ENTPD1: variants seen among roughly 807,000 people sequenced by gnomAD.
ENTPD1 encodes ectonucleoside triphosphate diphosphohydrolase 1, also known as ATP diphosphohydrolase.
A neutral mutation model predicts 57.0 loss-of-function variants in ENTPD1; 33 were observed. That is an observed-to-expected ratio of 0.58 (90% confidence interval 0.44 to 0.77). ENTPD1 has a LOEUF of 0.77. Among genes scored for constraint, ENTPD1 ranks in the 30% least tolerant of loss-of-function variants. ENTPD1 has a pLI of 0.00. For missense variants in ENTPD1, 501 were observed against 603.4 expected (o/e 0.83, Z 1.78); for synonymous variants, 202 against 218.8 (o/e 0.92, Z 0.68).
Position 95,845,381 on chromosome 10 carries a change from C to A in ENTPD1, c.598C>A (p.Pro200Thr). The A allele has an allele frequency of 6.2e-7, 1 of 1,614,114 alleles. No homozygotes were observed. The highest frequency in any genetic ancestry group is 1.3e-5 in the African/African-American group (1 of 75,008). The change falls in exon 6 of 10, where the codon CCA (proline) becomes ACA (threonine). Residue 200 changes from proline to threonine, a missense_variant. By Grantham distance (38) the Pro-to-Thr change is conservative. Coordinates refer to ENST00000371205, the MANE Select transcript of ENTPD1 (RefSeq NM_001776.6). ...GAAAACAAGGTGGTTCAGCATAGTC[C>A]CATATGAAACCAATAATCAGGAAAC... ...SQKTRWFSIVPYETNNQETFG... is the reference protein window; with the variant it reads ...SQKTRWFSIVTYETNNQETFG...
chr10:95,757,109 A>G (rs2098029858), intron 1 of ENTPD1, among the ~76,000 whole-genome samples: 4 of 152,288 alleles, frequency 2.6e-5, no homozygotes, highest in African/African-American at 9.6e-5. Context: ...CTTCTTTATC[A>G]TCTCTAACTT....
intron 1 of ENTPD1, among the ~76,000 whole-genome samples, chr10:95,819,418 C>T (rs2098341080): frequency 6.6e-6 from 1 of 152,104 alleles, no homozygotes; most frequent in African/African-American, 2.4e-5. Flanking sequence ...CCCACCTTTG[C>T]CTCCCAAAGT....
chr10:95,791,783 T>G lies in ENTPD1; in HGVS notation c.17-31454T>G, dbSNP rs528597832. 2.6e-5 allele frequency among the ~76,000 whole-genome samples: 4 copies of G among 152,266 alleles called. No homozygotes were observed. In the South Asian group the frequency reaches 8.3e-4, roughly 32 times the overall value. ...AGTGCCTGGGCCCCATGCTAGAAAT[T>G]CTGATGTAATTGTCCCAGGTGAGAC... On this transcript the variant is annotated intron_variant, in intron 1 of 9. Transcript: ENST00000371205. The surrounding 1 kb of genome is among the most constrained non-coding windows in gnomAD (Gnocchi z 4.1).
At chr10:95,864,897 G>A in intron 9 of ENTPD1, 36 bp downstream of exon 9, 3 of 1,609,356 alleles carry the variant, frequency 1.9e-6, no homozygotes, top group Non-Finnish European at 2.5e-6. Flanking sequence ...GGGGAGGTTG[G>A]GGTTCGGTGG....
At chr10:95,778,496 T>C (rs2098143027) in intron 1 of ENTPD1, among the ~76,000 whole-genome samples, 1 of 152,222 alleles carries the variant, frequency 6.6e-6, no homozygotes, top group Admixed American at 6.5e-5. Context: ...TTTCTTAATA[T>C]CCAGTGTTGT....
At position 95,866,842 on chromosome 10, in the gene ENTPD1, T is replaced by A. The variant is rs1173745191; in HGVS notation, c.*459T>A. 1 of 1,049,644 alleles carries A rather than the reference T, an allele frequency of 9.5e-7. No homozygotes were observed. The highest frequency in any genetic ancestry group is 1.7e-5 in the African/African-American group (1 of 58,894). The allele number at this position is 1,049,644 out of a possible 1,614,324, so 65.0% of individuals were successfully genotyped here. A position where few individuals can be genotyped will look rare whatever the true frequency, so the allele number is the denominator to read the frequency against. On this transcript the variant is annotated 3_prime_UTR_variant, in exon 10 of 10. Coordinates refer to ENST00000371205, the MANE Select transcript of ENTPD1 (RefSeq NM_001776.6). Reference sequence around the variant, plus strand: ...GCCATCCATTAAGAAAGCCATATGATGCCTTTGGAGAAGGCAGACACACAT... The same window carrying A: ...GCCATCCATTAAGAAAGCCATATGAAGCCTTTGGAGAAGGCAGACACACAT...
intron 1 of ENTPD1, among the ~76,000 whole-genome samples, chr10:95,745,386 ATG>A (rs765434862): frequency 1.2e-4 from 18 of 152,064 alleles, no homozygotes; most frequent in Non-Finnish European, 2.1e-4. Context: ...GAGATCCATT[ATG>A]TTGTCCAGGC....
upstream of ENTPD1, among the ~76,000 whole-genome samples, chr10:95,710,133 G>C (rs569401148): frequency 2.0e-5 from 3 of 151,984 alleles, no homozygotes; most frequent in Admixed American, 6.5e-5. Flanking sequence ...GGCCAGGCAC[G>C]GTGGCTCATG....
intron 1 of ENTPD1, among the ~76,000 whole-genome samples, chr10:95,793,839 G>C (rs1029672877): frequency 3.3e-5 from 5 of 152,084 alleles, no homozygotes; most frequent in African/African-American, 9.7e-5. Flanking sequence ...GCCACGGTGG[G>C]TGGTGGTTTG....
intron 1 of ENTPD1, among the ~76,000 whole-genome samples, chr10:95,726,319 A>G (rs910314566): frequency 6.6e-6 from 1 of 152,238 alleles, no homozygotes; most frequent in Non-Finnish European, 1.5e-5. Flanking sequence ...ATATAATTTT[A>G]AAAACTAAAG....
chr10:95,806,432 A>G (rs1002547393), intron 1 of ENTPD1, among the ~76,000 whole-genome samples: 2 of 152,186 alleles, frequency 1.3e-5, no homozygotes, highest in African/African-American at 4.8e-5. Context: ...GGGTTTGAAC[A>G]TGCTCCTTTA....
At chr10:95,806,746 C>T (rs891488880) in intron 1 of ENTPD1, among the ~76,000 whole-genome samples, 5 of 152,204 alleles carry the variant, frequency 3.3e-5, no homozygotes, top group Admixed American at 2.6e-4. Flanking sequence ...CAGTCAGGCC[C>T]CTCTGCTGCA....
chr10:95,767,948 T>C (rs762098916), intron 1 of ENTPD1, among the ~76,000 whole-genome samples: 4 of 152,330 alleles, frequency 2.6e-5, no homozygotes, highest in Admixed American at 6.5e-5. Context: ...ATGCCAATAA[T>C]AAAAGGACTT....
At chr10:95,820,710 AC>A (rs1487692010) in intron 1 of ENTPD1, among the ~76,000 whole-genome samples, 1 of 152,034 alleles carries the variant, frequency 6.6e-6, no homozygotes, top group Non-Finnish European at 1.5e-5. Flanking sequence ...TCCCAATTCT[AC>A]CGCAAGTCAC....
intron 1 of ENTPD1, among the ~76,000 whole-genome samples, chr10:95,821,996 C>CTTTTT (rs71034351): frequency 8.4e-4 from 78 of 92,890 alleles, no homozygotes; most frequent in Non-Finnish European, 1.1e-3. Context: ...TAGCTTTTGC[C>CTTTTT]TTTTTTTTTT....
At chr10:95,755,873 AAG>A (rs2098021167), upstream of ENTPD1, 1 of 1,520,660 alleles carries the variant, frequency 6.6e-7, no homozygotes, top group Non-Finnish European at 8.8e-7. Context: ...TTCTATAACG[AAG>A]AGAGGGAGAG....
Position 95,869,186 on chromosome 10 carries a change from G to A in ENTPD1, c.*2803G>A. The A allele has an allele frequency of 2.6e-5, 26 of 984,408 alleles. No individual in the cohort carries two copies. The highest frequency in any genetic ancestry group is 3.1e-5 in the Non-Finnish European group (26 of 829,780). The allele number at this position is 984,408 out of a possible 1,614,324, so 61.0% of individuals were successfully genotyped here. On this transcript the variant is annotated 3_prime_UTR_variant, in exon 10 of 10. Transcript: ENST00000371205. The stretch of plus-strand genomic sequence containing the variant: ...CTTTTAAAGATTCCTTTATAAGGTG[G>A]GAGTTTTTTTTCTATGAACCTATAG...
chr10:95,708,271 T>C (rs2097963325), upstream of ENTPD1, among the ~76,000 whole-genome samples: 1 of 152,056 alleles, frequency 6.6e-6, no homozygotes, highest in Non-Finnish European at 1.5e-5. Context: ...TGGAGTGCAG[T>C]GCCGTGACCT....
At chr10:95,852,246 T>G (rs1566239504) in intron 7 of ENTPD1, among the ~76,000 whole-genome samples, 2 of 152,234 alleles carry the variant, frequency 1.3e-5, no homozygotes. Flanking sequence ...AAGTGTCTAT[T>G]CAGGTCCTTC....
Sources: gnomAD v4.1 joint callset for allele counts (sites outside exome capture counted in the v4.1 genomes callset) on GRCh38, gnomAD v4.1.1 for gene constraint, Gnocchi (gnomAD v3.1) non-coding constraint, MANE v1.5 for transcripts, NCBI Gene and HGNC (gene_info 2026-07-23, HGNC 2026-07-21) for gene names.